The following SPAG17 variants were observed in gnomAD, a reference collection of about 807,000 sequenced individuals.
SPAG17 encodes sperm associated antigen 17.
SPAG17 carries 169 observed loss-of-function variants against 273.6 expected under a neutral mutation model. That is an observed-to-expected ratio of 0.62 (90% CI 0.55 to 0.70). The LOEUF is 0.70. SPAG17 is among the 30% of genes least tolerant of loss of function. The pLI is 0.00. For missense variants in SPAG17, 2,557 were observed against 2,627.8 expected (o/e 0.97, Z 0.59); for synonymous variants, 825 against 873.2 (o/e 0.94, Z 0.97).
intron 16 of SPAG17, 136 bp downstream of exon 16, chr1:118,074,403 G>C (rs959918159): frequency 1.3e-6 from 1 of 779,098 alleles, no homozygotes; most frequent in South Asian, 1.6e-5. Flanking sequence ...GGGGATGTCC[G>C]AATAGTTCCT....
At chr1:118,118,331 G>T (rs1322471917) in intron 3 of SPAG17, among the ~76,000 whole-genome samples, 1 of 152,066 alleles carries the variant, frequency 6.6e-6, no homozygotes, top group African/African-American at 2.4e-5. Flanking sequence ...GTGTGCACTG[G>T]GGGGTAAGCT....
chr1:117,969,261 A>G (rs1654271656), intron 46 of SPAG17, among the ~76,000 whole-genome samples: 1 of 152,116 alleles, frequency 6.6e-6, no homozygotes, highest in South Asian at 2.1e-4. Flanking sequence ...TCTTTGGAGA[A>G]ATGAGGCAAT....
chr1:118,038,117 G>T (rs1202913871), intron 23 of SPAG17, among the ~76,000 whole-genome samples: 1 of 152,086 alleles, frequency 6.6e-6, no homozygotes, highest in African/African-American at 2.4e-5. Context: ...TAAAAAATGG[G>T]CATGAAACTT....
At chr1:117,959,278 G>A (rs1652681953) in intron 48 of SPAG17, 1 of 1,605,142 alleles carries the variant, frequency 6.2e-7, no homozygotes, top group Non-Finnish European at 8.5e-7. Flanking sequence ...AATATTTCTT[G>A]TATTGCACTC....
chr1:118,024,396 T>C (rs935781110), intron 27 of SPAG17, among the ~76,000 whole-genome samples: 1 of 152,194 alleles, frequency 6.6e-6, no homozygotes, highest in Non-Finnish European at 1.5e-5. Context: ...TGTTATTTTA[T>C]GAACTGTTAA....
chr1:118,123,939 G>A lies in SPAG17; in HGVS notation c.316-8498C>T, dbSNP rs928286582. ...ATTTAAAATGTAATGAATTTCCTAC[G>A]GGAGGTGTACATTTTGAACAACCAA... On this transcript the variant is annotated intron_variant, in intron 3 of 48. Transcript: ENST00000336338. 3.3e-5 allele frequency among the ~76,000 whole-genome samples: 5 copies of A among 152,290 alleles called. No individual in the cohort carries two copies. The South Asian group carries it at 6.2e-4, about 19-fold the overall frequency.
Position 117,996,537 on chromosome 1 carries a change from T to A in SPAG17, c.4923-37A>T. ...AATAAAAATATAATCACTTCAAGTA[T>A]TCCGTTAAAATTCTCCTTGAACTCA... On this transcript the variant is annotated intron_variant, in intron 33 of 48. Transcript: ENST00000336338. 1.9e-6 allele frequency: 3 copies of A among 1,605,432 alleles called. 1 individual carries two copies. The highest frequency in any genetic ancestry group is 2.2e-5 in the South Asian group (2 of 89,814).
chr1:118,106,399 G>A (rs1240012664), intron 4 of SPAG17, among the ~76,000 whole-genome samples: 1 of 152,156 alleles, frequency 6.6e-6, no homozygotes, highest in Non-Finnish European at 1.5e-5. Context: ...AAGCTAATAT[G>A]TGGCAAAGCC....
At chr1:117,978,971 G>A (rs532649996) in intron 43 of SPAG17, among the ~76,000 whole-genome samples, 3 of 151,680 alleles carry the variant, frequency 2.0e-5, no homozygotes, top group East Asian at 2.0e-4. Flanking sequence ...TGGTTCAAGC[G>A]ATTCTCCTGC....
chr1:117,974,542 C>G (rs1654930474), intron 43 of SPAG17, among the ~76,000 whole-genome samples: 1 of 151,490 alleles, frequency 6.6e-6, no homozygotes, highest in Admixed American at 6.6e-5. Context: ...AAAAAAAATC[C>G]CAAGCATTTC....
At chr1:117,975,142 T>C (rs1484878241) in intron 43 of SPAG17, among the ~76,000 whole-genome samples, 3 of 152,106 alleles carry the variant, frequency 2.0e-5, no homozygotes, top group Non-Finnish European at 2.9e-5. Context: ...CTCTGCCACA[T>C]GGAAATAGCC....
intron 32 of SPAG17, among the ~76,000 whole-genome samples, chr1:118,003,351 T>C (rs538891819): frequency 1.3e-5 from 2 of 152,350 alleles, no homozygotes; most frequent in Admixed American, 1.3e-4. Context: ...CTGTATTTCC[T>C]GAATTTGAAT....
intron 18 of SPAG17, among the ~76,000 whole-genome samples, chr1:118,064,050 C>T (rs1652666665): frequency 6.6e-6 from 1 of 152,124 alleles, no homozygotes; most frequent in Admixed American, 6.5e-5. Context: ...CATCTCACAC[C>T]AGTTAGAATG....
chr1:118,075,183 C>T (rs985601494), intron 15 of SPAG17, among the ~76,000 whole-genome samples: 1 of 152,164 alleles, frequency 6.6e-6, no homozygotes, highest in Non-Finnish European at 1.5e-5. Flanking sequence ...TGCTAATTTA[C>T]AAATGAAGCT....
chr1:118,147,276 T>C (rs1659061129), intron 3 of SPAG17, among the ~76,000 whole-genome samples: 1 of 152,222 alleles, frequency 6.6e-6, no homozygotes, highest in African/African-American at 2.4e-5. Flanking sequence ...GTATGTTTGT[T>C]AATATTCGGT....
intron 17 of SPAG17, among the ~76,000 whole-genome samples, chr1:118,071,709 G>A (rs898148307): frequency 8.6e-5 from 13 of 151,872 alleles, no homozygotes; most frequent in African/African-American, 2.7e-4. Flanking sequence ...ATAACTTTAG[G>A]AAATCAGAAT....
At chr1:117,972,842 C>A (rs1017740545) in intron 44 of SPAG17, among the ~76,000 whole-genome samples, 27 of 152,044 alleles carry the variant, frequency 1.8e-4, no homozygotes, top group Non-Finnish European at 1.0e-4. Flanking sequence ...TGGATGGAAT[C>A]TTAATCTTAG....
chr1:118,150,828 C>A (rs1659334555), intron 2 of SPAG17, among the ~76,000 whole-genome samples, 199 bp from the exon 3 acceptor site: 1 of 152,148 alleles, frequency 6.6e-6, no homozygotes, highest in Non-Finnish European at 1.5e-5. Context: ...CCTGGCAGAT[C>A]TTTTCTATAT....
chr1:118,041,944 G>A lies in SPAG17; in HGVS notation c.2913C>T (p.Gly971=), dbSNP rs780052760. ...TATCCTCTTTCTCTGCGTTATCCTT[G>A]CCTTTCTTTTTACCAGCTTCTTTAC... ...KKGKEAGKKK[G]KDNAEKEDSR... is the part of the protein sequence containing the mutation. Residue 971 remains glycine (G), a synonymous_variant, in exon 21 of 49, where the codon GGC becomes GGT. Transcript: ENST00000336338. 3.1e-6 allele frequency: 5 copies of A among 1,613,666 alleles called. No homozygotes were observed. In the African/African-American group the frequency reaches 6.7e-5, roughly 22 times the overall value.
Sources: gnomAD v4.1 joint callset for allele counts (sites outside exome capture counted in the v4.1 genomes callset) on GRCh38, gnomAD v4.1.1 for gene constraint, MANE v1.5 for transcripts, NCBI Gene and HGNC (gene_info 2026-07-23, HGNC 2026-07-21) for gene names.